SLC38A9: variants seen among roughly 807,000 people sequenced by gnomAD.
SLC38A9 encodes neutral amino acid transporter 9.
A neutral mutation model predicts 62.3 loss-of-function variants in SLC38A9; 48 were observed. The ratio of observed to expected loss-of-function variants is 0.77; its 90% confidence interval spans 0.61 to 0.98. The LOEUF (loss-of-function observed/expected upper bound fraction) is 0.98. SLC38A9 is among the 50% of genes least tolerant of loss of function. SLC38A9 has a pLI of 0.00. For synonymous variants in SLC38A9, 204 were observed against 227.7 expected (o/e 0.90, Z 0.94); for missense variants, 541 against 679.8 (o/e 0.80, Z 2.27).
intron 3 of SLC38A9, among the ~76,000 whole-genome samples, chr5:55,686,170 T>TTTC (rs1322716019): frequency 1.3e-5 from 2 of 151,640 alleles, no homozygotes; most frequent in Non-Finnish European, 2.9e-5. Context: ...TCGAATGGTA[T>TTTC]TTCTGTCTTT....
At chr5:55,703,374 A>C (rs1245192914) in intron 2 of SLC38A9, among the ~76,000 whole-genome samples, 1 of 152,202 alleles carries the variant, frequency 6.6e-6, no homozygotes, top group Non-Finnish European at 1.5e-5. Flanking sequence ...TAGCTTAGTA[A>C]TAGATCAGTG....
chr5:55,637,667 T>C (rs1042910645), intron 12 of SLC38A9, among the ~76,000 whole-genome samples: 5 of 152,188 alleles, frequency 3.3e-5, no homozygotes, highest in Admixed American at 2.6e-4. Context: ...TAAATGTAGA[T>C]AAAGAATAAT....
intron 8 of SLC38A9, among the ~76,000 whole-genome samples, chr5:55,661,997 T>C (rs1749656617): frequency 6.6e-6 from 1 of 151,998 alleles, no homozygotes; most frequent in Non-Finnish European, 1.5e-5. Flanking sequence ...TAATACTGAG[T>C]GTGAGTGAGG....
intron 2 of SLC38A9, among the ~76,000 whole-genome samples, chr5:55,699,724 GAA>G (rs35109604): frequency 1.3e-5 from 2 of 151,038 alleles, no homozygotes; most frequent in Admixed American, 6.6e-5. Context: ...GAATTTTTAG[GAA>G]AAAAAAAATT....
intron 9 of SLC38A9, among the ~76,000 whole-genome samples, chr5:55,653,310 C>A (rs182073744): frequency 1.2e-3 from 187 of 152,260 alleles, no homozygotes; most frequent in African/African-American, 4.3e-3. Context: ...ATAAAAATAT[C>A]CCACCAAATA....
chr5:55,664,198 A>G (rs898670674), intron 8 of SLC38A9, among the ~76,000 whole-genome samples: 1 of 152,102 alleles, frequency 6.6e-6, no homozygotes, highest in African/African-American at 2.4e-5. Context: ...AAAAAAAATT[A>G]TAAGAAGTAT....
intron 2 of SLC38A9, chr5:55,702,671 G>GT (rs1181190680): frequency 6.6e-6 from 1 of 151,898 alleles, no homozygotes; most frequent in Non-Finnish European, 1.5e-5. Flanking sequence ...GCCTCTTGAG[G>GT]TTTTCCCTTT....
chr5:55,676,531 C>G (rs13183907), intron 3 of SLC38A9, among the ~76,000 whole-genome samples: 1 of 151,858 alleles, frequency 6.6e-6, no homozygotes, highest in Admixed American at 6.6e-5. Flanking sequence ...ATGTGATATA[C>G]CAAAGATAAG....
At chr5:55,649,939 G>A (rs1322658550) in intron 10 of SLC38A9, among the ~76,000 whole-genome samples, 1 of 152,120 alleles carries the variant, frequency 6.6e-6, no homozygotes, top group African/African-American at 2.4e-5. Context: ...TACAAGCAGA[G>A]AGTCCATTAC....
At chr5:55,633,505 T>C (rs1322761159) in intron 14 of SLC38A9, 2 of 399,454 alleles carry the variant, frequency 5.0e-6, no homozygotes, top group Middle Eastern at 6.5e-4. Flanking sequence ...AATTAAATAA[T>C]AAGATAAATA....
intron 3 of SLC38A9, among the ~76,000 whole-genome samples, chr5:55,678,611 A>C (rs1308962137): frequency 6.7e-6 from 1 of 150,066 alleles, no homozygotes; most frequent in East Asian, 1.9e-4. Flanking sequence ...AACAAAAAAC[A>C]TCACATGTAA....
chr5:55,671,175 A>C (rs1751254930), intron 4 of SLC38A9, among the ~76,000 whole-genome samples: 1 of 140,602 alleles, frequency 7.1e-6, no homozygotes, highest in Non-Finnish European at 1.6e-5. Flanking sequence ...AGTTTTTATA[A>C]ACTACCAAAT....
intron 2 of SLC38A9, chr5:55,702,856 A>G (rs928591848): frequency 2.6e-5 from 4 of 152,128 alleles, no homozygotes; most frequent in Admixed American, 2.6e-4. Context: ...TTCCTGCCCA[A>G]CGTTTAAGCA....
At chr5:55,650,517 ATC>A (rs891460115) in intron 10 of SLC38A9, among the ~76,000 whole-genome samples, 10 of 152,304 alleles carry the variant, frequency 6.6e-5, no homozygotes, top group African/African-American at 2.4e-4. Flanking sequence ...CTTTTAAAAG[ATC>A]TGTTTCACAG....
chr5:55,674,044 G>A (rs6450337), intron 3 of SLC38A9, among the ~76,000 whole-genome samples: 90,599 of 151,604 alleles, frequency 0.6, 27,635 homozygotes, highest in South Asian at 0.7. Context: ...TACTTGAAAA[G>A]CCAAGTGACT....
intron 9 of SLC38A9, 35 bp from the exon 10 acceptor site, chr5:55,652,758 C>CA (rs11424791): frequency 0.62 from 927,311 of 1,505,446 alleles, 292,781 homozygotes; most frequent in Non-Finnish European, 0.64. Flanking sequence ...AAGAAGATGA[C>CA]AAAAAACAAA....
At chr5:55,710,075 AAAAAAAAAAAG>A (rs1194261374) in intron 2 of SLC38A9, among the ~76,000 whole-genome samples, 97 of 108,718 alleles carry the variant, frequency 8.9e-4, no homozygotes, top group African/African-American at 2.2e-3. Context: ...CTCAAAAAAA[AAAAAAAAAAAG>A]AAAAAAAAAA....
In SLC38A9 at chr5:55,652,608, G is replaced by A. The variant is rs1475761093; in HGVS notation, c.873C>T (p.Val291=). ...FEKWWDKSRT[V]PFYLVGLLLP... is the part of the protein sequence containing the mutation. ...GGAGGAGCCCTACAAGATAAAAGGGGACTGTCCTGGACTTATCCCACCACT... is the reference window on the plus strand; with the variant it reads ...GGAGGAGCCCTACAAGATAAAAGGGAACTGTCCTGGACTTATCCCACCACT... The change falls in exon 10 of 16, where the codon GTC becomes GTT. Residue 291 remains valine (V), a synonymous_variant. Transcript: ENST00000396865. The A allele has an allele frequency of 2.5e-6, 4 of 1,612,634 alleles. No homozygotes were observed. The highest frequency in any genetic ancestry group is 1.7e-4 in the Middle Eastern group (1 of 6,026).
At chr5:55,677,598 G>A (rs1473329317) in intron 3 of SLC38A9, among the ~76,000 whole-genome samples, 2 of 152,020 alleles carry the variant, frequency 1.3e-5, no homozygotes, top group East Asian at 1.9e-4. Context: ...GTACCGTGGT[G>A]CGCTGATAGC....
Sources: allele counts gnomAD v4.1 joint callset (sites outside exome capture counted in the v4.1 genomes callset), GRCh38; gene constraint gnomAD v4.1.1; transcripts MANE v1.5; gene names NCBI Gene and HGNC (gene_info 2026-07-23, HGNC 2026-07-21).